Variants in SEH1L observed in about 807,000 individuals in gnomAD.
SEH1L encodes the protein nucleoporin SEH1.
A neutral mutation model predicts 49.5 loss-of-function variants in SEH1L; 18 were observed. The observed-to-expected ratio is 0.36, with a 90% CI of 0.25 to 0.54. The LOEUF is 0.54. Among genes scored for constraint, SEH1L ranks in the 20% least tolerant of loss-of-function variants. The probability of loss-of-function intolerance (pLI) is 0.87; values close to 1 mark genes in which losing one functional copy is unlikely to be tolerated. For synonymous variants in SEH1L, 169 were observed against 178.1 expected, an observed-to-expected ratio of 0.95 and a Z score of 0.41; for missense variants, 404 against 528.8, an observed-to-expected ratio of 0.76 and a Z score of 2.31.
chr18:12,987,005 G>T lies in SEH1L; in HGVS notation c.1214G>T (p.Arg405Ile). The change falls in exon 9 of 9, where the codon AGA (arginine) becomes ATA (isoleucine). Residue 405 changes from arginine (R) to isoleucine (I), a missense_variant. Physicochemically the swap from Arg to Ile is moderately conservative, Grantham distance 97. This residue lies in a region of SEH1L where 342 missense variants were observed against 430.8 expected (regional missense o/e 0.79). Transcript: ENST00000399892. ...TANLQYPHPR[R>I]RYLSRPLNPL... Reference sequence around the variant, plus strand: ...AACCTCCAGTATCCTCACCCTCGCAGACGATATCTCTCTCGGCCTCTTAAT... The same window carrying T: ...AACCTCCAGTATCCTCACCCTCGCATACGATATCTCTCTCGGCCTCTTAAT... 6.2e-7 allele frequency: 1 copy of T among 1,613,544 alleles called. No homozygotes were observed. The highest frequency in any genetic ancestry group is 8.5e-7 in the Non-Finnish European group (1 of 1,179,706).
chr18:12,961,857 G>A (rs2031192706), intron 3 of SEH1L, among the ~76,000 whole-genome samples: 1 of 152,054 alleles, frequency 6.6e-6, no homozygotes. Flanking sequence ...AGTAGAGATG[G>A]GGTTTCACCA....
At chr18:12,949,559 TCTC>T (rs1480978539) in intron 1 of SEH1L, among the ~76,000 whole-genome samples, 1 of 143,980 alleles carries the variant, frequency 6.9e-6, no homozygotes, top group Non-Finnish European at 1.5e-5. Flanking sequence ...TTCACGCCAT[TCTC>T]CTGCCTCAGC....
intron 2 of SEH1L, among the ~76,000 whole-genome samples, chr18:12,954,115 GA>G (rs532630082): frequency 5.3e-5 from 8 of 152,336 alleles, no homozygotes; most frequent in African/African-American, 1.7e-4. Flanking sequence ...TTTAGTTGGT[GA>G]CATTGTTACC....
intron 5 of SEH1L, 160 bp from the exon 6 acceptor site, chr18:12,978,592 C>T: frequency 1.8e-6 from 1 of 564,004 alleles, no homozygotes; most frequent in Non-Finnish European, 3.1e-6. Flanking sequence ...GTCTGGGGGT[C>T]AGGACTTGGA....
At chr18:12,969,604 C>G (rs927648428) in intron 4 of SEH1L, among the ~76,000 whole-genome samples, 1 of 151,644 alleles carries the variant, frequency 6.6e-6, no homozygotes, top group Admixed American at 6.6e-5. Flanking sequence ...ACGAGAATCG[C>G]TTGAATCCAG....
chr18:12,963,997 G>A (rs1009969526), intron 4 of SEH1L, among the ~76,000 whole-genome samples: 1 of 152,214 alleles, frequency 6.6e-6, no homozygotes, highest in African/African-American at 2.4e-5. Context: ...ACAGGCGTGA[G>A]CTGCTGCACC....
chr18:12,960,967 A>T (rs1296374095), intron 3 of SEH1L, among the ~76,000 whole-genome samples: 1 of 152,218 alleles, frequency 6.6e-6, no homozygotes, highest in Non-Finnish European at 1.5e-5. Flanking sequence ...AGTAAAATAC[A>T]TTTGGAAGAG....
chr18:12,950,544 G>GTATA (rs1289325483), intron 1 of SEH1L, among the ~76,000 whole-genome samples: 1 of 151,968 alleles, frequency 6.6e-6, no homozygotes, highest in Non-Finnish European at 1.5e-5. Context: ...GTGTATATAC[G>GTATA]TATATGTCTT....
chr18:12,967,209 C>G (rs1005691631), intron 4 of SEH1L, among the ~76,000 whole-genome samples: 11 of 152,218 alleles, frequency 7.2e-5, no homozygotes, highest in Admixed American at 6.5e-5. Context: ...CCACAAGTCT[C>G]TCACTACATT....
Position 12,987,018 on chromosome 18 carries a change from T to C in SEH1L, c.1227T>C (p.Ser409=). The change falls in exon 9 of 9, where the codon TCT becomes TCC. Residue 409 remains serine (S), a synonymous_variant. Transcript: ENST00000399892. ...CTCACCCTCGCAGACGATATCTCTC[T>C]CGGCCTCTTAATCCCTTACCTGAGA... is the stretch of plus-strand genomic sequence containing the variant. ...QYPHPRRRYL[S]RPLNPLPENE... 1 of 1,613,070 alleles carries C rather than the reference T, an allele frequency of 6.2e-7. No homozygotes were observed. The highest frequency in any genetic ancestry group is 8.5e-7 in the Non-Finnish European group (1 of 1,179,310).
intron 5 of SEH1L, chr18:12,971,780 T>C (rs560640802): frequency 6.5e-6 from 1 of 152,974 alleles, no homozygotes; most frequent in African/African-American, 2.4e-5. Flanking sequence ...GGGAACCTAA[T>C]CTGGTTTAGG....
chr18:12,958,441 C>CTG (rs2031009256), intron 3 of SEH1L, among the ~76,000 whole-genome samples: 1 of 152,168 alleles, frequency 6.6e-6, no homozygotes. Flanking sequence ...GTTCACAGTG[C>CTG]TGTGTACCCA....
At chr18:12,948,263 C>T in intron 1 of SEH1L, 31 bp downstream of exon 1, 2 of 1,542,360 alleles carry the variant, frequency 1.3e-6, no homozygotes, top group South Asian at 1.1e-5. Context: ...CGGGGCCGAC[C>T]CCGGAAGGAA....
chr18:12,958,201 A>C (rs113341624), intron 3 of SEH1L, among the ~76,000 whole-genome samples: 43 of 147,152 alleles, frequency 2.9e-4, no homozygotes, highest in Non-Finnish European at 5.3e-4. Flanking sequence ...TTCCTGCCTC[A>C]GTCTCCTGAG....
Position 12,987,357 on chromosome 18 carries a change from C to A in SEH1L, c.*300C>A, listed in dbSNP as rs1184735386. 1.0e-5 allele frequency: 2 copies of A among 198,032 alleles called. No individual in the cohort carries two copies. The highest frequency in any genetic ancestry group is 2.0e-5 in the Non-Finnish European group (2 of 98,436). The allele number at this position is 198,032 out of a possible 1,614,324, so 12.3% of individuals were successfully genotyped here. A position where few individuals can be genotyped will look rare whatever the true frequency, so the allele number is the denominator to read the frequency against. Reference sequence around the variant, plus strand: ...CCTGTTCTGTAAATTTTATTTTAAACTGTTACCATAGTCTTAAGTTGTTTA... The same window carrying A: ...CCTGTTCTGTAAATTTTATTTTAAAATGTTACCATAGTCTTAAGTTGTTTA... On this transcript the variant is annotated 3_prime_UTR_variant, in exon 9 of 9. Coordinates refer to ENST00000399892, the MANE Select transcript of SEH1L (RefSeq NM_001013437.2).
At chr18:12,952,885 G>A (rs906261179) in intron 2 of SEH1L, among the ~76,000 whole-genome samples, 2 of 151,320 alleles carry the variant, frequency 1.3e-5, no homozygotes, top group Admixed American at 6.6e-5. Flanking sequence ...GGGTTCAAGC[G>A]ATTCTCCTGC....
intron 6 of SEH1L, among the ~76,000 whole-genome samples, chr18:12,981,523 C>T (rs2032259969): frequency 6.6e-6 from 1 of 152,374 alleles, no homozygotes; most frequent in African/African-American, 2.4e-5. Context: ...CCAACACCTA[C>T]AGTTACTTTT....
At chr18:12,980,135 T>C (rs2032134104) in intron 6 of SEH1L, among the ~76,000 whole-genome samples, 1 of 104,204 alleles carries the variant, frequency 9.6e-6, no homozygotes, top group Non-Finnish European at 1.9e-5. Flanking sequence ...GCAGAGGGGC[T>C]CCTCACTTCC....
chr18:12,949,447 T>TG (rs2030362240), intron 1 of SEH1L, among the ~76,000 whole-genome samples: 1 of 111,636 alleles, frequency 9.0e-6, no homozygotes, highest in Admixed American at 8.8e-5. Flanking sequence ...TAACCGTTTT[T>TG]TTTTTTTTTT....
Sources: allele counts gnomAD v4.1 joint callset (sites outside exome capture counted in the v4.1 genomes callset), GRCh38; gene constraint gnomAD v4.1.1; regional missense constraint gnomAD v4.1.1; transcripts MANE v1.5; gene names NCBI Gene and HGNC (gene_info 2026-07-23, HGNC 2026-07-21).